Variants in GPC3 observed in about 807,000 individuals in gnomAD.
GPC3 encodes the protein glypican-3.
In GPC3, 3 loss-of-function variants were observed where a neutral mutation model predicts 34.4. That is an observed-to-expected ratio of 0.09 (90% CI 0.04 to 0.23). GPC3 has a LOEUF of 0.23. GPC3 is among the 10% of genes least tolerant of loss of function. GPC3 has a pLI of 1.00. For synonymous variants in GPC3, 177 were observed against 174.0 expected (o/e 1.02, Z -0.13); for missense variants, 351 against 445.6 (o/e 0.79, Z 1.91).
At chrX:133,812,817 T>C in intron 2 of GPC3, among the ~76,000 whole-genome samples, 1 of 112,159 alleles carries the variant, frequency 8.9e-6, no homozygotes, top group East Asian at 2.8e-4. Context: ...TCAAATCCTT[T>C]GACTGTAGGA....
chrX:133,841,035 T>A (rs758382063), intron 2 of GPC3, among the ~76,000 whole-genome samples: 5 of 107,551 alleles, frequency 4.6e-5, no homozygotes, highest in Admixed American at 4.0e-4. Context: ...CCTATATTTT[T>A]AAAAAATTCT....
At chrX:133,783,107 CCAAA>C (rs766184979) in intron 2 of GPC3, among the ~76,000 whole-genome samples, 14 of 110,208 alleles carry the variant, frequency 1.3e-4, no homozygotes, top group South Asian at 4.0e-4. Context: ...GCAGATCAGG[CCAAA>C]CAGAGAGCTA....
At chrX:133,869,936 T>C (rs148833095) in intron 2 of GPC3, among the ~76,000 whole-genome samples, 1,295 of 112,172 alleles carry the variant, frequency 0.012, 23 homozygotes, top group African/African-American at 0.039. Flanking sequence ...GCCTAGGCGA[T>C]AGAGCGAGAG....
chrX:133,663,662 T>G (rs1420151880), intron 5 of GPC3, among the ~76,000 whole-genome samples: 4 of 111,605 alleles, frequency 3.6e-5, no homozygotes, highest in Non-Finnish European at 5.6e-5. Context: ...GCTCTGGAAG[T>G]ATGTTTAGGA....
chrX:133,914,744 A>G (rs2076215430), intron 2 of GPC3, among the ~76,000 whole-genome samples: 1 of 108,972 alleles, frequency 9.2e-6, no homozygotes, highest in Non-Finnish European at 1.9e-5. Flanking sequence ...AAGTTTTAGC[A>G]TTAAGTAATG....
In GPC3 at chrX:133,985,121, C is replaced by G. The variant is rs1343426382; in HGVS notation, c.175+154G>C. ...CACCCTCTCTCCCTCCCTCAGTAGA[C>G]CCAGCCAGGCCCCAGGCACACCGAC... On this transcript the variant is annotated intron_variant, in intron 1 of 7. Transcript: ENST00000370818. Among the ~76,000 whole-genome samples, 6 of 112,298 alleles carry G rather than the reference C, an allele frequency of 5.3e-5. No homozygotes were observed. In the Admixed American group the frequency reaches 5.6e-4, roughly 10 times the overall value.
At chrX:133,644,253 T>C (rs2070518873) in intron 6 of GPC3, among the ~76,000 whole-genome samples, 1 of 111,711 alleles carries the variant, frequency 9.0e-6, no homozygotes, top group African/African-American at 3.3e-5. Flanking sequence ...CTACTTCAAG[T>C]GACCTCCTTG....
chrX:133,769,689 C>T (rs1341588252), intron 2 of GPC3, among the ~76,000 whole-genome samples: 2 of 111,709 alleles, frequency 1.8e-5, no homozygotes, highest in African/African-American at 6.5e-5. Flanking sequence ...GGCTTAGCTA[C>T]CACCTTAGTT....
At chrX:133,604,876 C>T (rs1443554289) in intron 6 of GPC3, among the ~76,000 whole-genome samples, 1 of 111,955 alleles carries the variant, frequency 8.9e-6, no homozygotes. Flanking sequence ...TCCGTATCCA[C>T]AGCAATGTAA....
At chrX:133,640,098 T>C (rs1460349380) in intron 6 of GPC3, among the ~76,000 whole-genome samples, 1 of 111,954 alleles carries the variant, frequency 8.9e-6, no homozygotes, top group Non-Finnish European at 1.9e-5. Flanking sequence ...ACATACTCCA[T>C]TGATTCTAAC....
intron 5 of GPC3, chrX:133,670,954 G>T: frequency 2.2e-6 from 1 of 448,089 alleles, no homozygotes; most frequent in East Asian, 3.7e-5. Flanking sequence ...CTGGCTGTCT[G>T]AGGATAGACA....
At chrX:133,832,352 T>C (rs2075779367) in intron 2 of GPC3, among the ~76,000 whole-genome samples, 1 of 109,586 alleles carries the variant, frequency 9.1e-6, no homozygotes, top group African/African-American at 3.3e-5. Flanking sequence ...AAAGTCAGCT[T>C]CAGTCTAACA....
rs1051341743 is a variant in GPC3 at position 133,940,163 on chromosome X, C to G, written c.337+12887G>C. Among the ~76,000 whole-genome samples, 3 of 111,199 alleles carry G rather than the reference C, an allele frequency of 2.7e-5. No individual in the cohort carries two copies. The South Asian group carries it at 1.2e-3, about 43-fold the overall frequency. ...TACAATTAACTCACCCTAGTATGTC[C>G]CTACAGAGAATTGTTTCATATCAAT... On this transcript the variant is annotated intron_variant, in intron 2 of 7. Coordinates refer to ENST00000370818, the MANE Select transcript of GPC3 (RefSeq NM_004484.4).
intron 6 of GPC3, among the ~76,000 whole-genome samples, chrX:133,607,614 C>CTGATA (rs1470132577): frequency 8.9e-6 from 1 of 112,042 alleles, no homozygotes; most frequent in East Asian, 2.8e-4. Context: ...TTTGACCAGT[C>CTGATA]TGATATGCCA....
intron 2 of GPC3, among the ~76,000 whole-genome samples, chrX:133,899,965 G>C (rs2076136884): frequency 1.8e-5 from 2 of 110,901 alleles, no homozygotes; most frequent in Admixed American, 1.9e-4. Flanking sequence ...ACCACGCCTG[G>C]CTAATTTTTG....
At chrX:133,759,680 T>C (rs979966116) in intron 2 of GPC3, among the ~76,000 whole-genome samples, 1 of 112,111 alleles carries the variant, frequency 8.9e-6, no homozygotes, top group Non-Finnish European at 1.9e-5. Flanking sequence ...GTGGGAGTTC[T>C]TGGTGACTGA....
chrX:133,839,884 C>T (rs766200115), intron 2 of GPC3, among the ~76,000 whole-genome samples: 111 of 100,441 alleles, frequency 1.1e-3, no homozygotes, highest in African/African-American at 3.8e-3. Context: ...GCCGAGATCA[C>T]GCCACTGCAC....
intron 2 of GPC3, among the ~76,000 whole-genome samples, chrX:133,850,071 C>G (rs771549412): frequency 5.4e-5 from 6 of 110,895 alleles, no homozygotes; most frequent in Non-Finnish European, 1.1e-4. Context: ...AATCAATAAC[C>G]TTCACTTTAA....
At chrX:133,684,679 T>C (rs1235967251) in intron 5 of GPC3, among the ~76,000 whole-genome samples, 1 of 111,226 alleles carries the variant, frequency 9.0e-6, no homozygotes, top group Admixed American at 9.7e-5. Flanking sequence ...GTATGCATAC[T>C]GCCTTGGGCA....
Sources: allele counts gnomAD v4.1 joint callset (sites outside exome capture counted in the v4.1 genomes callset), GRCh38; gene constraint gnomAD v4.1.1; transcripts MANE v1.5; gene names NCBI Gene and HGNC (gene_info 2026-07-23, HGNC 2026-07-21).